PUM2: variants seen among roughly 807,000 people sequenced by gnomAD.
PUM2 encodes the protein pumilio RNA binding family member 2.
Under a neutral mutation model 124.5 loss-of-function variants are expected in PUM2, and 57 were observed. That is an observed-to-expected ratio of 0.46 (90% CI 0.37 to 0.57). The LOEUF is 0.57. PUM2 is among the 20% of genes least tolerant of loss of function. The probability of loss-of-function intolerance (pLI) is 0.00; values close to 1 mark genes in which losing one functional copy is unlikely to be tolerated. For synonymous variants in PUM2, 460 were observed against 446.1 expected, an observed-to-expected ratio of 1.03 and a Z score of -0.39; for missense variants, 1,065 against 1,290.6, an observed-to-expected ratio of 0.83 and a Z score of 2.68.
At chr2:20,299,424 G>A (rs1310576940) in intron 7 of PUM2, among the ~76,000 whole-genome samples, 6 of 152,064 alleles carry the variant, frequency 3.9e-5, no homozygotes, top group Admixed American at 3.9e-4. Context: ...CACGACTTTG[G>A]GAGGCCAAGA....
At chr2:20,265,124 C>A (rs1667334921) in intron 13 of PUM2, among the ~76,000 whole-genome samples, 1 of 151,922 alleles carries the variant, frequency 6.6e-6, no homozygotes, top group African/African-American at 2.4e-5. Context: ...CGGTGGCGTG[C>A]ACCTGTAATC....
intron 14 of PUM2, among the ~76,000 whole-genome samples, chr2:20,262,753 A>G (rs1256462388): frequency 6.6e-6 from 1 of 152,232 alleles, no homozygotes; most frequent in Non-Finnish European, 1.5e-5. Context: ...ATTCGTTTTA[A>G]TGTAAAAAGG....
chr2:20,324,531 C>G (rs899027028), intron 2 of PUM2, among the ~76,000 whole-genome samples: 2 of 152,160 alleles, frequency 1.3e-5, no homozygotes, highest in African/African-American at 4.8e-5. Context: ...ATATGTGCCC[C>G]AACAACCTAG....
At chr2:20,338,616 G>C (rs915941601) in intron 1 of PUM2, among the ~76,000 whole-genome samples, 4 of 151,892 alleles carry the variant, frequency 2.6e-5, no homozygotes, top group African/African-American at 9.7e-5. Context: ...ATCAGAACTA[G>C]GAAAGAAAAA....
chr2:20,249,803 CTTTA>C lies in PUM2; in HGVS notation c.*1778_*1781del. The C allele has an allele frequency of 6.6e-6, 1 of 152,648 alleles. No homozygotes were observed. Among genetic ancestry groups the C allele is most frequent in the Admixed American group, 6.5e-5 (1 of 15,292 alleles). 9.5% of individuals were successfully genotyped at this position (152,648 alleles called of 1,614,324 possible). On this transcript the variant is annotated 3_prime_UTR_variant, in exon 21 of 21. Transcript: ENST00000361078. ...ACTTCAACAAAATACAAAGCACTTT[CTTTA>C]TCTTTCAGAAACTGAATATACACAG... is the stretch of plus-strand genomic sequence containing the variant.
intron 7 of PUM2, among the ~76,000 whole-genome samples, chr2:20,305,251 G>A (rs1677934593): frequency 6.6e-6 from 1 of 152,058 alleles, no homozygotes; most frequent in Non-Finnish European, 1.5e-5. Flanking sequence ...TTGGGAGGCT[G>A]AGTCAGGTGG....
At chr2:20,296,560 T>A (rs1008768252) in intron 8 of PUM2, among the ~76,000 whole-genome samples, 4 of 151,618 alleles carry the variant, frequency 2.6e-5, no homozygotes, top group Non-Finnish European at 5.9e-5. Flanking sequence ...TCAAACTGAT[T>A]AGTGACAATA....
intron 10 of PUM2, 39 bp from the exon 11 acceptor site, chr2:20,283,525 A>C (rs1243516766): frequency 2.6e-6 from 4 of 1,558,722 alleles, no homozygotes; most frequent in Non-Finnish European, 2.6e-6. Flanking sequence ...AGCACTTATT[A>C]CAAAAACATG....
chr2:20,317,399 C>A (rs1399244533), intron 3 of PUM2, among the ~76,000 whole-genome samples: 2 of 152,168 alleles, frequency 1.3e-5, no homozygotes, highest in African/African-American at 4.8e-5. Flanking sequence ...AGACAGTCTA[C>A]TTCCTTCCTG....
intron 15 of PUM2, among the ~76,000 whole-genome samples, chr2:20,259,650 A>G (rs1324846976): frequency 6.6e-6 from 1 of 152,224 alleles, no homozygotes; most frequent in Non-Finnish European, 1.5e-5. Context: ...TCTATAATGT[A>G]TACATATACC....
rs1040425381 is a variant in PUM2 at position 20,251,280 on chromosome 2, T to A, written c.*305A>T. ...TTTTGTGACTTTACAAGGTAAAAAT[T>A]TACAAAATATGTGACAGCTTTTTAT... On this transcript the variant is annotated 3_prime_UTR_variant, in exon 21 of 21. Coordinates refer to ENST00000361078, the MANE Select transcript of PUM2 (RefSeq NM_015317.5). 1.9e-5 allele frequency: 4 copies of A among 207,112 alleles called. No individual in the cohort carries two copies. Among genetic ancestry groups the A allele is most frequent in the Non-Finnish European group, 3.9e-5 (4 of 102,926 alleles). 12.8% of individuals were successfully genotyped at this position (207,112 alleles called of 1,614,324 possible).
chr2:20,306,033 T>G (rs997989827), intron 7 of PUM2, among the ~76,000 whole-genome samples: 1 of 152,060 alleles, frequency 6.6e-6, no homozygotes, highest in Non-Finnish European at 1.5e-5. Flanking sequence ...GGCAACATGG[T>G]GAAACCCTGT....
intron 5 of PUM2, among the ~76,000 whole-genome samples, chr2:20,310,653 T>C (rs1290222975): frequency 4.9e-5 from 2 of 40,914 alleles, no homozygotes; most frequent in Non-Finnish European, 9.3e-5. Context: ...TTAAGAAGCA[T>C]TGTTACTTTG....
Position 20,269,581 on chromosome 2 carries a change from G to C in PUM2, c.1958-6121C>G, listed in dbSNP as rs146401973. The stretch of plus-strand genomic sequence containing the variant: ...CAATGAGTTTAAAAAAACAAAGTGG[G>C]CATATTTAAAAGTATAATCTTCCAC... On this transcript the variant is annotated intron_variant, in intron 13 of 20. Transcript: ENST00000361078. Among the ~76,000 whole-genome samples the C allele has an allele frequency of 4.1e-4, 63 of 152,178 alleles. 2 individuals carry two copies. The East Asian group carries it at 0.012, about 28-fold the overall frequency.
chr2:20,263,777 T>C (rs79366058), intron 13 of PUM2, among the ~76,000 whole-genome samples: 3,037 of 152,252 alleles, frequency 0.02, 104 homozygotes, highest in African/African-American at 0.07. Flanking sequence ...ACCAACAAAA[T>C]TTTCAGTTAC....
chr2:20,283,755 G>A (rs558115818), intron 10 of PUM2, among the ~76,000 whole-genome samples: 1 of 152,102 alleles, frequency 6.6e-6, no homozygotes, highest in African/African-American at 2.4e-5. Context: ...AGAAACTACA[G>A]GCTATGAAGG....
intron 9 of PUM2, among the ~76,000 whole-genome samples, chr2:20,293,141 T>C (rs1365022852): frequency 6.6e-6 from 1 of 152,216 alleles, no homozygotes; most frequent in South Asian, 2.1e-4. Context: ...AAACTTAGTC[T>C]GGTCAAGGTT....
intron 1 of PUM2, among the ~76,000 whole-genome samples, chr2:20,329,794 T>C (rs951635136): frequency 6.6e-6 from 1 of 152,212 alleles, no homozygotes; most frequent in African/African-American, 2.4e-5. Context: ...CCCTAGATTC[T>C]GATTTAGTTG....
intron 14 of PUM2, 44 bp from the exon 15 acceptor site, chr2:20,260,510 C>A: frequency 1.3e-6 from 2 of 1,531,424 alleles, no homozygotes; most frequent in Non-Finnish European, 9.0e-7. Context: ...TTTTTTAATA[C>A]ACTTGAGTAT....
Sources: gnomAD v4.1 joint callset for allele counts (sites outside exome capture counted in the v4.1 genomes callset) on GRCh38, gnomAD v4.1.1 for gene constraint, MANE v1.5 for transcripts, NCBI Gene and HGNC (gene_info 2026-07-23, HGNC 2026-07-21) for gene names.